Variants in SLC22A9 observed in about 807,000 individuals in gnomAD.
The protein encoded by SLC22A9 is organic anion transporter 7.
A neutral mutation model predicts 50.1 loss-of-function variants in SLC22A9; 64 were observed. The ratio of observed to expected loss-of-function variants is 1.28; its 90% CI spans 1.04 to 1.57. SLC22A9 has a LOEUF of 1.57. SLC22A9 is among the 40% of genes most tolerant of loss of function. The probability of loss-of-function intolerance (pLI) is 0.00; values close to 1 mark genes in which losing one functional copy is unlikely to be tolerated. For synonymous variants in SLC22A9, 261 were observed against 242.5 expected, an observed-to-expected ratio of 1.08 and a Z score of -0.71; for missense variants, 757 against 676.1, an observed-to-expected ratio of 1.12 and a Z score of -1.33.
At chr11:63,391,565 CTTCT>C (rs1249855118) in intron 6 of SLC22A9, among the ~76,000 whole-genome samples, 1 of 151,536 alleles carries the variant, frequency 6.6e-6, no homozygotes, top group Non-Finnish European at 1.5e-5. Flanking sequence ...ATATAATTAC[CTTCT>C]TTGTCTCTTT....
chr11:63,383,174 G>T (rs559344678), intron 6 of SLC22A9, among the ~76,000 whole-genome samples: 1 of 152,134 alleles, frequency 6.6e-6, no homozygotes, highest in African/African-American at 2.4e-5. Context: ...GCAATTTTAG[G>T]TTTCTCCCTC....
intron 6 of SLC22A9, among the ~76,000 whole-genome samples, chr11:63,405,321 T>C (rs1293852815): frequency 6.6e-6 from 1 of 152,000 alleles, no homozygotes; most frequent in Non-Finnish European, 1.5e-5. Flanking sequence ...TTTGAGCAAT[T>C]TGGAAGTGGT....
At chr11:63,397,760 A>G (rs2014885079) in intron 6 of SLC22A9, among the ~76,000 whole-genome samples, 1 of 152,096 alleles carries the variant, frequency 6.6e-6, no homozygotes, top group East Asian at 1.9e-4. Context: ...TCCAGGCCTG[A>G]GAATTACCTT....
At position 63,406,519 on chromosome 11, in the gene SLC22A9, T is replaced by C; in HGVS notation, c.1096T>C (p.Phe366Leu). ...FTRFANFMAY[F>L]GLNLHVQHLG... ...CAGATTTGCAAACTTTATGGCCTAT[T>C]TTGGCCTTAATCTCCATGTCCAGCA... Residue 366 changes from phenylalanine (F) to leucine (L), a missense_variant, in exon 7 of 10, where the codon TTT (phenylalanine) becomes CTT (leucine). Coordinates refer to ENST00000279178, the MANE Select transcript of SLC22A9 (RefSeq NM_080866.3). 1 of 1,613,690 alleles carries C rather than the reference T, an allele frequency of 6.2e-7. No homozygotes were observed. The highest frequency in any genetic ancestry group is 8.5e-7 in the Non-Finnish European group (1 of 1,179,714).
chr11:63,371,097 G>T lies in SLC22A9; in HGVS notation c.403-38G>T, dbSNP rs764935375. ...AGTTTTGATCAAGTTACACTGAGGG[G>T]TAATAAGCATTGATGTGCTGGCTTC... On this transcript the variant is annotated intron_variant, in intron 1 of 9. Transcript: ENST00000279178. 1.2e-5 allele frequency: 17 copies of T among 1,454,570 alleles called. No homozygotes were observed. In the South Asian group the frequency reaches 1.6e-4, roughly 14 times the overall value. 90.1% of individuals were successfully genotyped at this position (1,454,570 alleles called of 1,614,324 possible). A position where few individuals can be genotyped will look rare whatever the true frequency, so the allele number is the denominator to read the frequency against.
chr11:63,375,636 CT>C lies in SLC22A9; in HGVS notation c.831-7del. The C allele has an allele frequency of 6.2e-7, 1 of 1,611,248 alleles. No individual in the cohort carries two copies. The highest frequency in any genetic ancestry group is 8.5e-7 in the Non-Finnish European group (1 of 1,178,306). ...AGTCGACTGCCCCTCTGTTCTCTTC[CT>C]TGGTCAGTTGGCTGCTAGAGTCTGC... On this transcript the variant is annotated splice_polypyrimidine_tract_variant and splice_region_variant and intron_variant, in intron 4 of 9. Coordinates refer to ENST00000279178, the MANE Select transcript of SLC22A9 (RefSeq NM_080866.3).
intron 5 of SLC22A9, among the ~76,000 whole-genome samples, chr11:63,380,722 A>G (rs563948): frequency 0.67 from 101,062 of 151,970 alleles, 33,934 homozygotes; most frequent in African/African-American, 0.74. Flanking sequence ...AGGAGGTAAG[A>G]AGGTGAGGAT....
chr11:63,385,919 TGTCTGTGG>T lies in SLC22A9; in HGVS notation c.1073+3649_1073+3656del, dbSNP rs1205739756. Among the ~76,000 whole-genome samples the T allele has an allele frequency of 1.5e-4, 23 of 152,300 alleles. No individual in the cohort carries two copies. The East Asian group carries it at 4.4e-3, about 29-fold the overall frequency. ...AGCTTTTGCCCATTCAGAATGATAT[TGTCTGTGG>T]GTCTGTCATAAATGGCTCTTATAAT... On this transcript the variant is annotated intron_variant, in intron 6 of 9. Coordinates refer to ENST00000279178, the MANE Select transcript of SLC22A9 (RefSeq NM_080866.3).
At chr11:63,398,740 C>A (rs926268936) in intron 6 of SLC22A9, among the ~76,000 whole-genome samples, 15 of 152,206 alleles carry the variant, frequency 9.9e-5, no homozygotes, top group Non-Finnish European at 2.1e-4. Flanking sequence ...GTCTTTCCTA[C>A]CCTCTTCAGT....
intron 5 of SLC22A9, among the ~76,000 whole-genome samples, chr11:63,379,079 T>C (rs1591015317): frequency 6.6e-6 from 1 of 151,518 alleles, no homozygotes; most frequent in African/African-American, 2.4e-5. Context: ...CAAAGCAAAA[T>C]GAACAAAGCT....
chr11:63,378,435 C>G (rs965802694), intron 5 of SLC22A9, among the ~76,000 whole-genome samples: 1 of 151,974 alleles, frequency 6.6e-6, no homozygotes, highest in Admixed American at 6.6e-5. Context: ...ATACACAAAA[C>G]CTGGAAGCAG....
intron 5 of SLC22A9, among the ~76,000 whole-genome samples, chr11:63,381,289 T>C (rs1166139801): frequency 6.6e-6 from 1 of 152,124 alleles, no homozygotes; most frequent in Non-Finnish European, 1.5e-5. Context: ...TTTAAAGTGG[T>C]TAGGACCATG....
chr11:63,398,895 C>G (rs1183294921), intron 6 of SLC22A9, among the ~76,000 whole-genome samples: 1 of 152,146 alleles, frequency 6.6e-6, no homozygotes, highest in Non-Finnish European at 1.5e-5. Flanking sequence ...TTCTACTCAG[C>G]CATCTTGCTC....
At chr11:63,385,462 A>G (rs1338454893) in intron 6 of SLC22A9, among the ~76,000 whole-genome samples, 1 of 151,600 alleles carries the variant, frequency 6.6e-6, no homozygotes, top group African/African-American at 2.4e-5. Context: ...GTCCTTTCTG[A>G]TTTCCTTGAG....
intron 6 of SLC22A9, among the ~76,000 whole-genome samples, chr11:63,399,681 A>ATGAT (rs888591430): frequency 2.6e-5 from 4 of 152,184 alleles, no homozygotes; most frequent in African/African-American, 7.2e-5. Context: ...CTTTATTTTC[A>ATGAT]TGATAGATGA....
chr11:63,408,691 G>T lies in SLC22A9; in HGVS notation c.1413G>T (p.Gly471=), dbSNP rs200542715. The change falls in exon 9 of 10, where the codon GGG becomes GGT. Residue 471 remains glycine, a synonymous_variant. Coordinates refer to ENST00000279178, the MANE Select transcript of SLC22A9 (RefSeq NM_080866.3). ...CCACTCAAAGGGCAAGAGCTATGGG[G>T]ATCAATGCAACCTTTGCTAATATAG... ...IPTIIRARAM[G]INATFANIAG... 6.2e-7 allele frequency: 1 copy of T among 1,613,466 alleles called. No homozygotes were observed. Among genetic ancestry groups the T allele is most frequent in the Non-Finnish European group, 8.5e-7 (1 of 1,179,646 alleles).
At chr11:63,407,542 C>T (rs2015061185) in intron 7 of SLC22A9, among the ~76,000 whole-genome samples, 1 of 152,194 alleles carries the variant, frequency 6.6e-6, no homozygotes, top group Non-Finnish European at 1.5e-5. Flanking sequence ...TGAAACTTCC[C>T]TTCAGTGCTT....
Position 63,373,764 on chromosome 11 carries a change from T to C in SLC22A9, c.627T>C (p.Ala209=). Residue 209 remains alanine, a synonymous_variant, in exon 3 of 10, where the codon GCT becomes GCC. Coordinates refer to ENST00000279178, the MANE Select transcript of SLC22A9 (RefSeq NM_080866.3). ...YCSLRFLSGI[A]AMSLITNTIM... is the part of the protein sequence containing the mutation. ...CACTACGCTTCTTGTCTGGGATTGC[T>C]GCAATGAGCCTCATAACAAATACTA... The C allele has an allele frequency of 6.2e-7, 1 of 1,613,076 alleles. No homozygotes were observed. The highest frequency in any genetic ancestry group is 1.1e-5 in the South Asian group (1 of 90,896).
chr11:63,401,142 G>T (rs1253670058), intron 6 of SLC22A9, among the ~76,000 whole-genome samples: 1 of 151,940 alleles, frequency 6.6e-6, no homozygotes, highest in East Asian at 1.9e-4. Context: ...AGTAGTGGAC[G>T]TCCTACCCAG....
Sources: allele counts gnomAD v4.1 joint callset (sites outside exome capture counted in the v4.1 genomes callset), GRCh38; gene constraint gnomAD v4.1.1; transcripts MANE v1.5; gene names NCBI Gene and HGNC (gene_info 2026-07-23, HGNC 2026-07-21).